The following FBRSL1 variants were observed in gnomAD, a reference collection of about 807,000 sequenced individuals.
The protein encoded by FBRSL1 is fibrosin like 1, also known as fibrosin-1-like protein.
Under a neutral mutation model 89.6 loss-of-function variants are expected in FBRSL1, and 51 were observed. That is an observed-to-expected ratio of 0.57 (90% CI 0.45 to 0.72). The LOEUF (loss-of-function observed/expected upper bound fraction) is 0.72, where lower values mean the gene tolerates loss of function less well. FBRSL1 is among the 30% of genes least tolerant of loss of function. FBRSL1 has a pLI of 0.00. For synonymous variants in FBRSL1, 779 were observed against 681.1 expected, an observed-to-expected ratio of 1.14 and a Z score of -2.24; for missense variants, 1,618 against 1,451.8, an observed-to-expected ratio of 1.11 and a Z score of -1.86.
chr12:132,571,746 C>G (rs1365779986), intron 9 of FBRSL1: 2 of 359,482 alleles, frequency 5.6e-6, no homozygotes, highest in Admixed American at 4.8e-5. Flanking sequence ...TGGACTTAGG[C>G]AGGCACCCCG....
At chr12:132,519,917 A>G (rs1373013657) in intron 2 of FBRSL1, among the ~76,000 whole-genome samples, 1 of 151,420 alleles carries the variant, frequency 6.6e-6, no homozygotes, top group East Asian at 1.9e-4. Flanking sequence ...AAAAAAAAAA[A>G]AGTGGCTACT....
intron 3 of FBRSL1, among the ~76,000 whole-genome samples, chr12:132,527,165 C>T (rs774133656): frequency 6.6e-6 from 1 of 152,160 alleles, no homozygotes; most frequent in Non-Finnish European, 1.5e-5. Flanking sequence ...TACCTCCTCC[C>T]GGAAGCCTTC....
intron 5 of FBRSL1, chr12:132,566,023 A>T (rs1326724887): frequency 6.6e-6 from 1 of 152,182 alleles, no homozygotes; most frequent in Non-Finnish European, 1.5e-5. Flanking sequence ...GTGAATTGTA[A>T]GCGTTAGACG....
Position 132,583,013 on chromosome 12 carries a change from C to G in FBRSL1, c.2244C>G (p.Pro748=), listed in dbSNP as rs1398216189. The stretch of plus-strand genomic sequence containing the variant: ...CGCGCCTGCTGAGCCGGGCCTCGCC[C>G]GCCACCCCCGCTGGCCACCCCGTCA... ...EKTRLLSRAS[P]ATPAGHPVSG... Residue 748 remains proline (P), a synonymous_variant, in exon 19 of 19, where the codon CCC becomes CCG. Coordinates refer to ENST00000680143, the MANE Select transcript of FBRSL1 (RefSeq NM_001367871.1). 2.1e-6 allele frequency: 3 copies of G among 1,456,098 alleles called. No homozygotes were observed. The highest frequency in any genetic ancestry group is 1.8e-6 in the Non-Finnish European group (2 of 1,111,732). The allele number at this position is 1,456,098 out of a possible 1,614,324, so 90.2% of individuals were successfully genotyped here. A position where few individuals can be genotyped will look rare whatever the true frequency, so the allele number is the denominator to read the frequency against.
chr12:132,569,505 C>T (rs1276830360), intron 6 of FBRSL1, among the ~76,000 whole-genome samples: 1 of 152,170 alleles, frequency 6.6e-6, no homozygotes, highest in Non-Finnish European at 1.5e-5. Context: ...GAACATGAGG[C>T]CTAGGTACAC....
chr12:132,553,258 C>CGTGGGGTGACCTCACAGGGTGT (rs2038345182), intron 5 of FBRSL1: 3 of 152,562 alleles, frequency 2.0e-5, no homozygotes, highest in African/African-American at 7.2e-5. Flanking sequence ...ACCGGGTGAC[C>CGTGGGGTGACCTCACAGGGTGT]GTGGGGTGAC....
In FBRSL1 at chr12:132,582,162, C is replaced by T; in HGVS notation, c.2097C>T (p.Ser699=). ...AWNRLHRAPP[S]FPAPPPWPKS... ...ACCGACTGCACCGGGCACCGCCCTC[C>T]TTCCCGGCTCCGCCCCCGTGGCCCA... The change falls in exon 18 of 19, where the codon TCC becomes TCT. Residue 699 remains serine, a synonymous_variant. Coordinates refer to ENST00000680143, the MANE Select transcript of FBRSL1 (RefSeq NM_001367871.1). 2 of 1,550,094 alleles carry T rather than the reference C, an allele frequency of 1.3e-6. No individual in the cohort carries two copies. The highest frequency in any genetic ancestry group is 1.2e-5 in the South Asian group (1 of 84,044).
At chr12:132,491,914 C>T (rs1257209424) in intron 1 of FBRSL1, among the ~76,000 whole-genome samples, 1 of 152,228 alleles carries the variant, frequency 6.6e-6, no homozygotes, top group Non-Finnish European at 1.5e-5. Context: ...GCTGGGGCTC[C>T]TGTGGGCCCA....
At chr12:132,511,368 A>G in intron 2 of FBRSL1, 17 of 985,574 alleles carry the variant, frequency 1.7e-5, no homozygotes, top group Non-Finnish European at 2.0e-5. Context: ...CACACCTCAC[A>G]CTACAAGGCT....
At chr12:132,562,815 G>A (rs1566207734) in intron 5 of FBRSL1, among the ~76,000 whole-genome samples, 1 of 152,120 alleles carries the variant, frequency 6.6e-6, no homozygotes, top group African/African-American at 2.4e-5. Flanking sequence ...TGTGGTTCAG[G>A]CCCTTGCGAC....
At chr12:132,507,643 G>A (rs372754979) in intron 1 of FBRSL1, among the ~76,000 whole-genome samples, 2 of 152,160 alleles carry the variant, frequency 1.3e-5, no homozygotes, top group Admixed American at 6.5e-5. Flanking sequence ...CCACAGACCC[G>A]TCTGGGAGCA....
chr12:132,509,203 A>G (rs1052621283), intron 2 of FBRSL1: 2 of 1,248,134 alleles, frequency 1.6e-6, no homozygotes, highest in African/African-American at 3.1e-5. Context: ...CCAGCCAGCC[A>G]CTGGGACCAG....
At chr12:132,535,123 C>T (rs533445483) in intron 4 of FBRSL1, among the ~76,000 whole-genome samples, 15 of 152,326 alleles carry the variant, frequency 9.8e-5, no homozygotes, top group Admixed American at 2.0e-4. Flanking sequence ...TGCTGTGACA[C>T]GGGGGTTAGG....
At chr12:132,575,798 G>A (rs2040347796) in intron 14 of FBRSL1, among the ~76,000 whole-genome samples, 1 of 152,254 alleles carries the variant, frequency 6.6e-6, no homozygotes. Context: ...CATCATCATG[G>A]CCAGTGAAAC....
chr12:132,510,993 G>A (rs1271383010), intron 2 of FBRSL1: 5 of 987,162 alleles, frequency 5.1e-6, no homozygotes, highest in Middle Eastern at 5.1e-4. Context: ...GTGGCGTGCT[G>A]GGCATGAAGG....
rs1214095570 is a variant in FBRSL1 at position 132,582,198 on chromosome 12, C to T, written c.2133C>T (p.Asp711=). 1 of 1,550,190 alleles carries T rather than the reference C, an allele frequency of 6.5e-7. No individual in the cohort carries two copies. Among genetic ancestry groups the T allele is most frequent in the Non-Finnish European group, 8.7e-7 (1 of 1,146,882 alleles). The change falls in exon 18 of 19, where the codon GAC becomes GAT. Residue 711 remains aspartate, a synonymous_variant. Coordinates refer to ENST00000680143, the MANE Select transcript of FBRSL1 (RefSeq NM_001367871.1). The part of the protein sequence containing the change: ...PAPPPWPKSV[D]AERVSALTNH... ...CGCCCCCGTGGCCCAAGTCCGTGGA[C>T]GCGGAGCGGGTGTCAGCCCTGACCA... is the stretch of plus-strand genomic sequence containing the variant.
intron 14 of FBRSL1, among the ~76,000 whole-genome samples, chr12:132,575,465 G>A (rs2040325070): frequency 6.6e-6 from 1 of 152,162 alleles, no homozygotes; most frequent in Non-Finnish European, 1.5e-5. Flanking sequence ...TTGGCCTCAT[G>A]ATCCACCCAC....
intron 4 of FBRSL1, among the ~76,000 whole-genome samples, chr12:132,542,860 A>G (rs1264055878): frequency 6.6e-6 from 1 of 152,200 alleles, no homozygotes. Context: ...CATAATTAAC[A>G]CTTGCACTGG....
intron 1 of FBRSL1, among the ~76,000 whole-genome samples, chr12:132,503,656 CAG>C (rs1210493096): frequency 6.6e-6 from 1 of 152,228 alleles, no homozygotes; most frequent in Non-Finnish European, 1.5e-5. Context: ...TGACCCAAGG[CAG>C]AGAGGATGTC....
Sources: allele counts gnomAD v4.1 joint callset (sites outside exome capture counted in the v4.1 genomes callset), GRCh38; gene constraint gnomAD v4.1.1; transcripts MANE v1.5; gene names NCBI Gene and HGNC (gene_info 2026-07-23, HGNC 2026-07-21).